The following TEX11 variants were observed in gnomAD, a reference collection of about 807,000 sequenced individuals.
The protein encoded by TEX11 is testis expressed 11, also known as testis-expressed protein 11.
A neutral mutation model predicts 84.4 loss-of-function variants in TEX11; 7 were observed. The observed-to-expected ratio is 0.08, with a 90% confidence interval of 0.05 to 0.16. The LOEUF (loss-of-function observed/expected upper bound fraction) is 0.16. Ranked by LOEUF, TEX11 falls within the 10% of genes least tolerant of loss-of-function variation. The probability of loss-of-function intolerance (pLI) is 1.00; values close to 1 mark genes in which losing one functional copy is unlikely to be tolerated. For synonymous variants in TEX11, 264 were observed against 222.8 expected, an observed-to-expected ratio of 1.18 and a Z score of -1.64; for missense variants, 551 against 660.5, an observed-to-expected ratio of 0.83 and a Z score of 1.82.
intron 25 of TEX11, among the ~76,000 whole-genome samples, chrX:70,561,621 C>A (rs983909940): frequency 9.1e-6 from 1 of 110,049 alleles, no homozygotes; most frequent in Non-Finnish European, 1.9e-5. Flanking sequence ...CTCCTGACTT[C>A]ATGATCCACC....
intron 14 of TEX11, among the ~76,000 whole-genome samples, chrX:70,682,408 A>C (rs1012176490): frequency 2.7e-5 from 3 of 111,732 alleles, no homozygotes; most frequent in African/African-American, 9.7e-5. Context: ...TTGTAACCTC[A>C]CAATATTCCA....
intron 5 of TEX11, among the ~76,000 whole-genome samples, chrX:70,855,138 A>G (rs910017649): frequency 5.4e-5 from 6 of 111,735 alleles, no homozygotes; most frequent in Non-Finnish European, 1.1e-4. Context: ...CAGCCAACAG[A>G]TAAATTTAAA....
At chrX:70,584,048 G>A (rs1039081196) in intron 25 of TEX11, among the ~76,000 whole-genome samples, 3 of 110,217 alleles carry the variant, frequency 2.7e-5, no homozygotes, top group African/African-American at 9.9e-5. Context: ...GGGAGGCCGA[G>A]GCGGGTGGAT....
At chrX:70,594,186 A>T (rs1055691577) in intron 24 of TEX11, among the ~76,000 whole-genome samples, 2 of 111,811 alleles carry the variant, frequency 1.8e-5, no homozygotes, top group Admixed American at 9.5e-5. Flanking sequence ...TAAAAACAAT[A>T]AAGGCCAGAA....
chrX:70,745,672 C>T (rs751933703), intron 9 of TEX11, among the ~76,000 whole-genome samples: 3 of 111,672 alleles, frequency 2.7e-5, no homozygotes, highest in South Asian at 3.7e-4. Flanking sequence ...AGGTGGAGGT[C>T]GCAGTGAGCC....
chrX:70,860,509 T>C (rs780938355), intron 5 of TEX11, among the ~76,000 whole-genome samples: 1 of 111,547 alleles, frequency 9.0e-6, no homozygotes, highest in South Asian at 3.8e-4. Context: ...ACTTAGTGCT[T>C]CAAATTTTTC....
intron 28 of TEX11, among the ~76,000 whole-genome samples, chrX:70,544,705 G>A (rs1342597524): frequency 9.2e-6 from 1 of 108,835 alleles, no homozygotes; most frequent in African/African-American, 3.3e-5. Flanking sequence ...CAGATGTGGT[G>A]GCACACGCCT....
In TEX11 at chrX:70,646,654, A is replaced by C. The variant is rs377085802; in HGVS notation, c.1483+4796T>G. 9.8e-4 allele frequency among the ~76,000 whole-genome samples: 110 copies of C among 112,101 alleles called. No individual in the cohort carries two copies. The South Asian group carries it at 0.016, about 16-fold the overall frequency. ...TCTAACATCACTACTCATCAGAGAA[A>C]CGCAAATTAAAACCACGATGATAAC... On this transcript the variant is annotated intron_variant, in intron 17 of 29. Transcript: ENST00000374333.
intron 2 of TEX11, among the ~76,000 whole-genome samples, chrX:70,904,504 T>G (rs2091819509): frequency 8.9e-6 from 1 of 112,306 alleles, no homozygotes; most frequent in African/African-American, 3.2e-5. Flanking sequence ...TCTTCAAAAT[T>G]GTAAAATTTT....
chrX:70,839,412 G>C (rs2147839167), intron 7 of TEX11, among the ~76,000 whole-genome samples: 1 of 112,141 alleles, frequency 8.9e-6, no homozygotes, highest in Admixed American at 9.5e-5. Flanking sequence ...AACTCCAACA[G>C]ACCTGCAGCT....
chrX:70,841,877 C>A (rs1353851692), intron 7 of TEX11, among the ~76,000 whole-genome samples: 2 of 111,910 alleles, frequency 1.8e-5, no homozygotes, highest in African/African-American at 6.5e-5. Flanking sequence ...ACTAGAAAAT[C>A]TAGAAGAAAT....
chrX:70,555,745 T>A (rs1443695838), intron 25 of TEX11, among the ~76,000 whole-genome samples: 2 of 112,204 alleles, frequency 1.8e-5, no homozygotes, highest in Admixed American at 1.9e-4. Context: ...TGGTATTACA[T>A]CTTCTTTAAA....
intron 7 of TEX11, among the ~76,000 whole-genome samples, chrX:70,840,159 G>C (rs750413166): frequency 1.1e-4 from 12 of 111,045 alleles, no homozygotes; most frequent in Admixed American, 2.9e-4. Flanking sequence ...AGAAGAGCAA[G>C]TCCAAGACAC....
At chrX:70,811,229 A>T (rs1473259208) in intron 8 of TEX11, among the ~76,000 whole-genome samples, 1 of 106,623 alleles carries the variant, frequency 9.4e-6, no homozygotes, top group Non-Finnish European at 1.9e-5. Flanking sequence ...CCTGTGTCCA[A>T]GTGTTCTCAT....
intron 13 of TEX11, among the ~76,000 whole-genome samples, chrX:70,683,904 G>A (rs781699876): frequency 2.2e-4 from 24 of 110,360 alleles, no homozygotes; most frequent in Non-Finnish European, 4.5e-4. Flanking sequence ...TGTGACAAAG[G>A]TGCCAGGACC....
chrX:70,597,006 C>T (rs192956675), intron 24 of TEX11, among the ~76,000 whole-genome samples: 387 of 111,640 alleles, frequency 3.5e-3, no homozygotes, highest in African/African-American at 0.012. Context: ...CCAACAAATT[C>T]TATAACTTAG....
intron 4 of TEX11, among the ~76,000 whole-genome samples, chrX:70,866,087 A>T (rs777369226): frequency 2.9e-4 from 32 of 111,682 alleles, no homozygotes; most frequent in Non-Finnish European, 5.5e-4. Context: ...CTTCAAAAAA[A>T]TCAATGAATC....
intron 8 of TEX11, among the ~76,000 whole-genome samples, chrX:70,828,719 T>C (rs1178352155): frequency 9.0e-6 from 1 of 110,992 alleles, no homozygotes; most frequent in Admixed American, 9.7e-5. Flanking sequence ...TGGAGAAAGA[T>C]ATCAACATTC....
chrX:70,803,973 G>A (rs1228226652), intron 9 of TEX11, among the ~76,000 whole-genome samples: 1 of 110,311 alleles, frequency 9.1e-6, no homozygotes, highest in Non-Finnish European at 1.9e-5. Context: ...GCGAGGCTCC[G>A]CCTCTACAAA....
Sources: allele counts gnomAD v4.1 joint callset (sites outside exome capture counted in the v4.1 genomes callset), GRCh38; gene constraint gnomAD v4.1.1; transcripts MANE v1.5; gene names NCBI Gene and HGNC (gene_info 2026-07-23, HGNC 2026-07-21).